Variants in KCNQ5 observed in about 807,000 individuals in gnomAD.
KCNQ5 encodes the protein potassium voltage-gated channel subfamily Q member 5.
A neutral mutation model predicts 98.2 loss-of-function variants in KCNQ5; 30 were observed. The ratio of observed to expected loss-of-function variants is 0.31; its 90% CI spans 0.23 to 0.41. KCNQ5 has a LOEUF of 0.41. KCNQ5 is among the 10% of genes least tolerant of loss of function. KCNQ5 has a pLI of 1.00. For missense variants in KCNQ5, 835 were observed against 1,182.5 expected (o/e 0.71, Z 4.31); for synonymous variants, 458 against 449.4 (o/e 1.02, Z -0.24).
At chr6:72,739,806 A>G (rs905974217) in intron 1 of KCNQ5, among the ~76,000 whole-genome samples, 2 of 152,220 alleles carry the variant, frequency 1.3e-5, no homozygotes, top group African/African-American at 4.8e-5. Flanking sequence ...AGTCTGCTTC[A>G]TGCACTATAA....
chr6:73,029,749 C>G (rs962938459), intron 2 of KCNQ5, among the ~76,000 whole-genome samples: 1 of 151,236 alleles, frequency 6.6e-6, no homozygotes, highest in South Asian at 2.1e-4. Flanking sequence ...CTGCCTAACA[C>G]GGTGAAACCC....
intron 2 of KCNQ5, among the ~76,000 whole-genome samples, chr6:73,019,858 T>A (rs1770511300): frequency 6.6e-6 from 1 of 152,190 alleles, no homozygotes; most frequent in African/African-American, 2.4e-5. Context: ...TTCACTTATT[T>A]ATGTATTTTG....
rs189277089 is a variant in KCNQ5, at chr6:72,979,664, G to A, written c.399-24244G>A. ...TGATGGTAGTTTCTTTTGCCATGCA[G>A]AAGCTCTTAGTTTAATTAGATTCCA... is the stretch of plus-strand genomic sequence containing the variant. On this transcript the variant is annotated intron_variant, in intron 1 of 13. Coordinates refer to ENST00000370398, the MANE Select transcript of KCNQ5 (RefSeq NM_019842.4). 4.6e-3 allele frequency among the ~76,000 whole-genome samples: 704 copies of A among 152,288 alleles called. 6 individuals are homozygous for A. The highest frequency in any genetic ancestry group is 0.012 in the South Asian group (58 of 4,822).
At chr6:73,074,755 TAA>T (rs5877347) in intron 3 of KCNQ5, among the ~76,000 whole-genome samples, 53,983 of 146,384 alleles carry the variant, frequency 0.37, 14,541 homozygotes, top group African/African-American at 0.76. Flanking sequence ...TAATGTTTAT[TAA>T]AAAAAAAAAA....
intron 1 of KCNQ5, among the ~76,000 whole-genome samples, chr6:72,900,961 T>A (rs1779479035): frequency 6.6e-6 from 1 of 152,170 alleles, no homozygotes; most frequent in African/African-American, 2.4e-5. Flanking sequence ...TTGAGAATTG[T>A]CTATTCATGT....
At chr6:72,767,663 C>T (rs1163980744) in intron 1 of KCNQ5, among the ~76,000 whole-genome samples, 1 of 151,864 alleles carries the variant, frequency 6.6e-6, no homozygotes, top group African/African-American at 2.4e-5. Flanking sequence ...TTCATTTTAA[C>T]AAATGAGTGA....
At chr6:72,660,282 A>G (rs369300345) in intron 1 of KCNQ5, among the ~76,000 whole-genome samples, 2 of 152,156 alleles carry the variant, frequency 1.3e-5, no homozygotes, top group Admixed American at 1.3e-4. Context: ...AGATTGAACA[A>G]TTTCTCAAGA....
At chr6:72,780,397 T>C (rs1205263652) in intron 1 of KCNQ5, among the ~76,000 whole-genome samples, 1 of 152,200 alleles carries the variant, frequency 6.6e-6, no homozygotes, top group Non-Finnish European at 1.5e-5. Flanking sequence ...AAATGTGAGG[T>C]ATTGATATGC....
At chr6:72,855,111 C>G (rs544909014) in intron 1 of KCNQ5, among the ~76,000 whole-genome samples, 7 of 151,992 alleles carry the variant, frequency 4.6e-5, no homozygotes. Context: ...TATGTTCTCA[C>G]CAAGCCTCAC....
rs1321718365 is a variant in KCNQ5, at chr6:72,748,045, A to G, written c.398+125458A>G. ...TAATCTATACATCTCCGAAAAGTGT[A>G]AGATGGCTTGTTAAGAATAAAGTGT... On this transcript the variant is annotated intron_variant, in intron 1 of 13. Transcript: ENST00000370398. 2.0e-5 allele frequency among the ~76,000 whole-genome samples: 3 copies of G among 152,160 alleles called. No homozygotes were observed. The East Asian group carries it at 5.8e-4, about 29-fold the overall frequency.
chr6:72,838,445 C>T (rs1303606353), intron 1 of KCNQ5, among the ~76,000 whole-genome samples: 1 of 152,090 alleles, frequency 6.6e-6, no homozygotes, highest in Non-Finnish European at 1.5e-5. Context: ...AACTTAAAAA[C>T]ATAGCTTAAC....
At chr6:72,803,615 C>A (rs575398347) in intron 1 of KCNQ5, among the ~76,000 whole-genome samples, 1 of 152,080 alleles carries the variant, frequency 6.6e-6, no homozygotes, top group African/African-American at 2.4e-5. Flanking sequence ...TGTATAAGTA[C>A]TTTAATTGTT....
intron 1 of KCNQ5, among the ~76,000 whole-genome samples, chr6:72,766,399 G>T (rs925952886): frequency 6.6e-6 from 1 of 151,932 alleles, no homozygotes; most frequent in Non-Finnish European, 1.5e-5. Flanking sequence ...CTTTGAAAAA[G>T]GAAGTGACTT....
At chr6:72,895,295 A>G (rs1299785942) in intron 1 of KCNQ5, among the ~76,000 whole-genome samples, 1 of 150,928 alleles carries the variant, frequency 6.6e-6, no homozygotes, top group East Asian at 1.9e-4. Context: ...TCTCAAAAAA[A>G]AAAAAAAGAA....
intron 1 of KCNQ5, among the ~76,000 whole-genome samples, chr6:72,894,817 G>C (rs1158613572): frequency 6.6e-6 from 1 of 152,044 alleles, no homozygotes; most frequent in African/African-American, 2.4e-5. Context: ...ATCACTTTTT[G>C]AGTCCTGTAT....
intron 1 of KCNQ5, among the ~76,000 whole-genome samples, chr6:72,744,841 G>A (rs1436786121): frequency 6.6e-6 from 1 of 151,796 alleles, no homozygotes; most frequent in Non-Finnish European, 1.5e-5. Flanking sequence ...AGAAAAAATG[G>A]TAAGAAAGGC....
intron 1 of KCNQ5, among the ~76,000 whole-genome samples, chr6:72,935,714 A>T (rs536582971): frequency 6.6e-6 from 1 of 151,954 alleles, no homozygotes; most frequent in Non-Finnish European, 1.5e-5. Context: ...GACGGTCTCC[A>T]CTTCCTTCAT....
chr6:72,664,580 G>T (rs1185103674), intron 1 of KCNQ5, among the ~76,000 whole-genome samples: 1 of 152,042 alleles, frequency 6.6e-6, no homozygotes, highest in African/African-American at 2.4e-5. Flanking sequence ...CCTTGAACCT[G>T]GGAGGCAGAG....
At chr6:72,983,215 C>G (rs1768560888) in intron 1 of KCNQ5, among the ~76,000 whole-genome samples, 1 of 152,150 alleles carries the variant, frequency 6.6e-6, no homozygotes, top group African/African-American at 2.4e-5. Context: ...TGAATGTTGG[C>G]CTGCCTTGCT....
Sources: allele counts gnomAD v4.1 joint callset (sites outside exome capture counted in the v4.1 genomes callset), GRCh38; gene constraint gnomAD v4.1.1; transcripts MANE v1.5; gene names NCBI Gene and HGNC (gene_info 2026-07-23, HGNC 2026-07-21).